GABRB2: variants seen among roughly 807,000 people sequenced by gnomAD.
The protein encoded by GABRB2 is gamma-aminobutyric acid receptor subunit beta-2.
Under a neutral mutation model 54.7 loss-of-function variants are expected in GABRB2, and 16 were observed. The observed-to-expected ratio is 0.29, with a 90% CI of 0.20 to 0.44. The LOEUF (loss-of-function observed/expected upper bound fraction) is 0.44, where lower values mean the gene tolerates loss of function less well. Among genes scored for constraint, GABRB2 ranks in the 20% least tolerant of loss-of-function variants. The probability of loss-of-function intolerance (pLI) is 1.00; values close to 1 mark genes in which losing one functional copy is unlikely to be tolerated. For missense variants in GABRB2, 355 were observed against 644.0 expected, an observed-to-expected ratio of 0.55 and a Z score of 4.86; for synonymous variants, 244 against 233.8, an observed-to-expected ratio of 1.04 and a Z score of -0.40.
chr5:161,502,487 G>A (rs1759479484), intron 3 of GABRB2, among the ~76,000 whole-genome samples: 1 of 152,012 alleles, frequency 6.6e-6, no homozygotes, highest in Non-Finnish European at 1.5e-5. Context: ...AGGAGTATGA[G>A]AATCAGACAT....
At position 161,288,599 on chromosome 5, in the gene GABRB2, A is replaced by G. The variant is rs984003577; in HGVS notation, c.*5482T>C. 2 of 152,614 alleles carry G rather than the reference A, an allele frequency of 1.3e-5. No individual in the cohort carries two copies. The highest frequency in any genetic ancestry group is 2.9e-5 in the Non-Finnish European group (2 of 68,038). The allele number at this position is 152,614 out of a possible 1,614,324, so 9.5% of individuals were successfully genotyped here. On this transcript the variant is annotated 3_prime_UTR_variant, in exon 10 of 10. Transcript: ENST00000393959. Reference sequence around the variant, plus strand: ...TTTTTTACTATCTCATGTATCCCAGAGATTTTAATAGTCCTGTTTTTAGAA... The same window carrying G: ...TTTTTTACTATCTCATGTATCCCAGGGATTTTAATAGTCCTGTTTTTAGAA...
intron 4 of GABRB2, among the ~76,000 whole-genome samples, chr5:161,457,874 G>T (rs1158622640): frequency 6.6e-6 from 1 of 152,012 alleles, no homozygotes; most frequent in East Asian, 1.9e-4. Context: ...AGTCAGTATT[G>T]GGTATACAAA....
chr5:161,462,162 C>T (rs967161122), intron 3 of GABRB2, among the ~76,000 whole-genome samples: 4 of 152,140 alleles, frequency 2.6e-5, no homozygotes, highest in African/African-American at 9.7e-5. Context: ...ATATTAATAT[C>T]CTAAATGTGT....
chr5:161,431,780 T>C (rs1343850870), intron 4 of GABRB2, among the ~76,000 whole-genome samples: 1 of 152,184 alleles, frequency 6.6e-6, no homozygotes, highest in Non-Finnish European at 1.5e-5. Context: ...ACATCTAAGA[T>C]TGATAACTTC....
intron 9 of GABRB2, among the ~76,000 whole-genome samples, chr5:161,304,548 T>C (rs1041903029): frequency 8.5e-5 from 13 of 152,214 alleles, no homozygotes; most frequent in African/African-American, 2.7e-4. Flanking sequence ...CTTAATTTTT[T>C]GTGGCTTGGT....
At chr5:161,312,702 T>C (rs869648) in intron 9 of GABRB2, among the ~76,000 whole-genome samples, 19,318 of 152,176 alleles carry the variant, frequency 0.13, 1,733 homozygotes, top group African/African-American at 0.22. Flanking sequence ...TAAAGTTTTG[T>C]GAGCATCGAG....
At chr5:161,436,468 G>A (rs1743324775) in intron 4 of GABRB2, among the ~76,000 whole-genome samples, 1 of 151,428 alleles carries the variant, frequency 6.6e-6, no homozygotes, top group African/African-American at 2.4e-5. Context: ...GGGAGGCGGA[G>A]GTTGCAGTGA....
At chr5:161,357,385 A>G (rs1754664547) in intron 5 of GABRB2, among the ~76,000 whole-genome samples, 1 of 152,204 alleles carries the variant, frequency 6.6e-6, no homozygotes, top group South Asian at 2.1e-4. Flanking sequence ...TGGCTGGAAC[A>G]GAATGTGCAA....
At chr5:161,368,084 C>T (rs1755021813) in intron 5 of GABRB2, among the ~76,000 whole-genome samples, 1 of 146,762 alleles carries the variant, frequency 6.8e-6, no homozygotes, top group African/African-American at 2.5e-5. Context: ...CAAGAATATC[C>T]TATTTAATTT....
chr5:161,498,315 G>A (rs935089987), intron 3 of GABRB2, among the ~76,000 whole-genome samples: 11 of 150,254 alleles, frequency 7.3e-5, no homozygotes, highest in South Asian at 2.1e-4. Flanking sequence ...CCACTCTTTC[G>A]TTAATGAAAA....
intron 3 of GABRB2, among the ~76,000 whole-genome samples, chr5:161,515,481 C>T (rs373869583): frequency 6.6e-6 from 1 of 151,698 alleles, no homozygotes; most frequent in South Asian, 2.1e-4. Flanking sequence ...TTTTATTTTT[C>T]CTAAGCACTT....
At chr5:161,527,760 T>C (rs77032749) in intron 3 of GABRB2, among the ~76,000 whole-genome samples, 6,449 of 151,618 alleles carry the variant, frequency 0.043, 409 homozygotes, top group Admixed American at 0.16. Context: ...ATTTAGTTAA[T>C]CATGGAAATT....
At chr5:161,489,086 C>A (rs1211720109) in intron 3 of GABRB2, among the ~76,000 whole-genome samples, 3 of 151,698 alleles carry the variant, frequency 2.0e-5, no homozygotes, top group Admixed American at 6.6e-5. Flanking sequence ...AATGAAACCG[C>A]TGCCATTCTT....
Position 161,532,271 on chromosome 5 carries a change from T to A in GABRB2, c.237+12956A>T, listed in dbSNP as rs187175549. ...TGTAGCATATCTGTGTGTATATGTATGCGTGTGTCTGTATTACCCACTCAG... is the reference window on the plus strand; with the variant it reads ...TGTAGCATATCTGTGTGTATATGTAAGCGTGTGTCTGTATTACCCACTCAG... On this transcript the variant is annotated intron_variant, in intron 3 of 9. Coordinates refer to ENST00000393959, the MANE Select transcript of GABRB2 (RefSeq NM_001371727.1). Among the ~76,000 whole-genome samples the A allele has an allele frequency of 9.8e-5, 15 of 152,296 alleles. No individual in the cohort carries two copies. In the East Asian group the frequency reaches 2.9e-3, roughly 29 times the overall value.
At chr5:161,398,685 GTTGTTT>G (rs1230691298) in intron 5 of GABRB2, among the ~76,000 whole-genome samples, 1 of 149,594 alleles carries the variant, frequency 6.7e-6, no homozygotes, top group Non-Finnish European at 1.5e-5. Context: ...TTTTGTTGTT[GTTGTTT>G]TTGTTTTGTT....
rs191349276 is a variant in GABRB2, at chr5:161,295,120, A to C, written c.1192-692T>G. Among the ~76,000 whole-genome samples the C allele has an allele frequency of 2.0e-5, 3 of 152,348 alleles. No individual in the cohort carries two copies. The East Asian group carries it at 5.8e-4, about 29-fold the overall frequency. On this transcript the variant is annotated intron_variant, in intron 9 of 9. Coordinates refer to ENST00000393959, the MANE Select transcript of GABRB2 (RefSeq NM_001371727.1). ...AGGAGGAATTCAAAAATAGGAGCAT[A>C]ACAGCCAGATCCACTGTTGGTGGGG...
intron 3 of GABRB2, among the ~76,000 whole-genome samples, chr5:161,505,648 T>G (rs2113389797): frequency 6.6e-6 from 1 of 152,218 alleles, no homozygotes; most frequent in Admixed American, 6.5e-5. Flanking sequence ...TTAAAATCAG[T>G]TAATACATTT....
At chr5:161,415,060 G>A (rs1045319446) in intron 4 of GABRB2, among the ~76,000 whole-genome samples, 6 of 152,152 alleles carry the variant, frequency 3.9e-5, no homozygotes, top group African/African-American at 1.2e-4. Context: ...ATGTCTTTCT[G>A]AGTCATGACA....
intron 3 of GABRB2, among the ~76,000 whole-genome samples, chr5:161,512,226 TA>T (rs1320312377): frequency 1.3e-5 from 2 of 151,934 alleles, no homozygotes; most frequent in African/African-American, 2.4e-5. Context: ...TTCACAAAAT[TA>T]TTTTTTTTAA....
Sources: gnomAD v4.1 joint callset for allele counts (sites outside exome capture counted in the v4.1 genomes callset) on GRCh38, gnomAD v4.1.1 for gene constraint, MANE v1.5 for transcripts, NCBI Gene and HGNC (gene_info 2026-07-23, HGNC 2026-07-21) for gene names.